The following DYM variants were observed in gnomAD, a reference collection of about 807,000 sequenced individuals.
DYM encodes the protein dymeclin.
DYM carries 78 observed loss-of-function variants against 93.1 expected under a neutral mutation model. The ratio of observed to expected loss-of-function variants is 0.84; its 90% confidence interval spans 0.70 to 1.01. The LOEUF (loss-of-function observed/expected upper bound fraction) is 1.01. Ranked by LOEUF, DYM falls within the 50% of genes least tolerant of loss-of-function variation. DYM has a pLI of 0.00. For synonymous variants in DYM, 321 were observed against 319.7 expected, an observed-to-expected ratio of 1.00 and a Z score of -0.04; for missense variants, 789 against 845.0, an observed-to-expected ratio of 0.93 and a Z score of 0.82.
At chr18:49,192,095 ATTTTT>A (rs55967928) in intron 14 of DYM, among the ~76,000 whole-genome samples, 2 of 68,290 alleles carry the variant, frequency 2.9e-5, no homozygotes, top group Non-Finnish European at 5.6e-5. Flanking sequence ...TGCCTGGCTA[ATTTTT>A]TTTTTTTTTT....
intron 8 of DYM, among the ~76,000 whole-genome samples, chr18:49,296,867 CACT>C (rs1243377395): frequency 6.6e-6 from 1 of 152,130 alleles, no homozygotes; most frequent in African/African-American, 2.4e-5. Context: ...TCATCTGCAC[CACT>C]GTCTGACTTG....
intron 2 of DYM, among the ~76,000 whole-genome samples, chr18:49,423,280 G>A (rs1215774800): frequency 6.6e-6 from 1 of 152,102 alleles, no homozygotes; most frequent in Non-Finnish European, 1.5e-5. Context: ...TGAACAACCT[G>A]CTCCTGAATG....
At chr18:49,218,838 T>G (rs543578971) in intron 13 of DYM, among the ~76,000 whole-genome samples, 3 of 151,840 alleles carry the variant, frequency 2.0e-5, no homozygotes, top group Non-Finnish European at 4.4e-5. Flanking sequence ...ACATCACAAT[T>G]AAAAGAACTA....
intron 13 of DYM, among the ~76,000 whole-genome samples, chr18:49,236,988 A>G (rs577134398): frequency 6.6e-6 from 1 of 152,220 alleles, no homozygotes. Flanking sequence ...ACCTAGCCCT[A>G]CCCTCTTGAA....
intron 14 of DYM, chr18:49,206,004 T>TTTTTTTTTTTTTTGTTTGTTTG (rs1409602811): frequency 6.4e-6 from 1 of 156,120 alleles, no homozygotes; most frequent in African/African-American, 2.6e-5. Flanking sequence ...TTTTTTTTTG[T>TTTTTTTTTTTTTTGTTTGTTTG]TTTTTTGTTT....
At chr18:49,218,618 A>G (rs1389927597) in intron 13 of DYM, among the ~76,000 whole-genome samples, 1 of 152,152 alleles carries the variant, frequency 6.6e-6, no homozygotes, top group Non-Finnish European at 1.5e-5. Flanking sequence ...AAACCACTCA[A>G]CTACATGGAA....
chr18:49,085,053 T>A (rs181841655), intron 17 of DYM, among the ~76,000 whole-genome samples: 8 of 152,366 alleles, frequency 5.3e-5, no homozygotes, highest in South Asian at 4.1e-4. Flanking sequence ...TTTGTATATA[T>A]GATCTCTCAA....
intron 17 of DYM, among the ~76,000 whole-genome samples, chr18:49,050,790 G>A (rs538915936): frequency 6.6e-6 from 1 of 152,220 alleles, no homozygotes; most frequent in East Asian, 1.9e-4. Flanking sequence ...TGCAATTGGT[G>A]CTTCTCTTAT....
intron 17 of DYM, among the ~76,000 whole-genome samples, chr18:49,080,693 T>C: frequency 6.9e-6 from 1 of 144,172 alleles, no homozygotes; most frequent in African/African-American, 2.6e-5. Flanking sequence ...GAGACGCTCC[T>C]CACTTCCCAG....
chr18:49,167,049 C>T (rs1352881490), intron 14 of DYM, among the ~76,000 whole-genome samples: 1 of 149,522 alleles, frequency 6.7e-6, no homozygotes, highest in African/African-American at 2.5e-5. Flanking sequence ...CCTGTGTCCC[C>T]TATTAGTGCA....
intron 16 of DYM, among the ~76,000 whole-genome samples, chr18:49,114,295 T>C (rs1227902504): frequency 6.6e-6 from 1 of 152,220 alleles, no homozygotes; most frequent in Non-Finnish European, 1.5e-5. Flanking sequence ...AAGGTGTACT[T>C]AAAAATGTTT....
At position 49,248,781 on chromosome 18, in the gene DYM, TA is replaced by T. The variant is rs557968656; in HGVS notation, c.1460+8228del. Among the ~76,000 whole-genome samples, 477 of 152,294 alleles carry T rather than the reference TA, an allele frequency of 3.1e-3. 4 individuals carry two copies. The highest frequency in any genetic ancestry group is 0.011 in the African/African-American group (442 of 41,566). ...AAAGTTTAATATCAAGGATTAGATA[TA>T]AAAAATATTATTGTCTCAGGCTAAA... On this transcript the variant is annotated intron_variant, in intron 13 of 17. Coordinates refer to ENST00000675505, the MANE Select transcript of DYM (RefSeq NM_001353214.3).
intron 17 of DYM, among the ~76,000 whole-genome samples, chr18:49,069,703 TTCTAG>T (rs919995999): frequency 1.3e-5 from 2 of 152,206 alleles, no homozygotes; most frequent in African/African-American, 4.8e-5. Context: ...AAGTTGTGGC[TTCTAG>T]TCTATTATGG....
chr18:49,197,490 C>A (rs962512737), intron 14 of DYM, among the ~76,000 whole-genome samples: 2 of 151,966 alleles, frequency 1.3e-5, no homozygotes, highest in Non-Finnish European at 2.9e-5. Flanking sequence ...TTCTACTCTC[C>A]CCTAGAATGC....
intron 11 of DYM, among the ~76,000 whole-genome samples, chr18:49,262,624 A>C (rs552819061): frequency 1.3e-5 from 2 of 152,302 alleles, no homozygotes; most frequent in Admixed American, 1.3e-4. Flanking sequence ...TTCTTTTTTT[A>C]AAATGGAATA....
chr18:49,189,110 A>G (rs2090725539), intron 14 of DYM, among the ~76,000 whole-genome samples: 1 of 152,228 alleles, frequency 6.6e-6, no homozygotes, highest in African/African-American at 2.4e-5. Flanking sequence ...CACTGGGTAC[A>G]CATGGACATA....
At chr18:49,120,272 A>G (rs1169065434) in intron 15 of DYM, among the ~76,000 whole-genome samples, 2 of 152,276 alleles carry the variant, frequency 1.3e-5, no homozygotes, top group East Asian at 3.9e-4. Context: ...ATAGTCCACA[A>G]TAGTTAAAAT....
intron 2 of DYM, among the ~76,000 whole-genome samples, chr18:49,420,062 C>T (rs1180592257): frequency 6.6e-6 from 1 of 151,914 alleles, no homozygotes; most frequent in Admixed American, 6.6e-5. Flanking sequence ...CCACAGCCAC[C>T]TTTAATTTTC....
chr18:49,274,232 A>T (rs561219387), intron 10 of DYM, among the ~76,000 whole-genome samples: 1 of 152,228 alleles, frequency 6.6e-6, no homozygotes, highest in African/African-American at 2.4e-5. Flanking sequence ...GGACTTCCGT[A>T]TGAATAGAAT....
Sources: gnomAD v4.1 joint callset for allele counts (sites outside exome capture counted in the v4.1 genomes callset) on GRCh38, gnomAD v4.1.1 for gene constraint, MANE v1.5 for transcripts, NCBI Gene and HGNC (gene_info 2026-07-23, HGNC 2026-07-21) for gene names.